MTOR: variants seen among roughly 807,000 people sequenced by gnomAD.
The protein encoded by MTOR is mechanistic target of rapamycin kinase, also known as serine/threonine-protein kinase mTOR.
A neutral mutation model predicts 319.8 loss-of-function variants in MTOR; 70 were observed. The observed-to-expected ratio is 0.22, with a 90% CI of 0.18 to 0.27. The LOEUF (loss-of-function observed/expected upper bound fraction) is 0.27, where lower values mean the gene tolerates loss of function less well. Among genes scored for constraint, MTOR ranks in the 10% least tolerant of loss-of-function variants. The pLI is 1.00. For synonymous variants in MTOR, 1,183 were observed against 1,211.4 expected (o/e 0.98, Z 0.49); for missense variants, 1,890 against 3,274.4 (o/e 0.58, Z 10.32).
At chr1:11,159,364 G>A (rs546182026) in intron 29 of MTOR, among the ~76,000 whole-genome samples, 3 of 152,274 alleles carry the variant, frequency 2.0e-5, no homozygotes, top group South Asian at 4.2e-4. Context: ...TGCTAAGGCC[G>A]GGCATGGTGA....
intron 28 of MTOR, among the ~76,000 whole-genome samples, chr1:11,170,691 T>C (rs1024907611): frequency 1.7e-4 from 26 of 151,478 alleles, no homozygotes; most frequent in Non-Finnish European, 2.8e-4. Flanking sequence ...TTTTTTTTTT[T>C]TCTTTTTTTT....
intron 1 of MTOR, among the ~76,000 whole-genome samples, chr1:11,261,641 A>G (rs1270498523): frequency 3.3e-5 from 5 of 152,080 alleles, no homozygotes; most frequent in Admixed American, 2.0e-4. Flanking sequence ...GGCACAGAGG[A>G]AAAACCTGGG....
Position 11,109,208 on chromosome 1 carries a change from G to C in MTOR, c.7528+82C>G. The C allele has an allele frequency of 7.8e-7, 1 of 1,277,964 alleles. No homozygotes were observed. Among genetic ancestry groups the C allele is most frequent in the South Asian group, 1.3e-5 (1 of 76,130 alleles). 79.2% of individuals were successfully genotyped at this position (1,277,964 alleles called of 1,614,324 possible). A position where few individuals can be genotyped will look rare whatever the true frequency, so the allele number is the denominator to read the frequency against. On this transcript the variant is annotated intron_variant, in intron 56 of 57. Coordinates refer to ENST00000361445, the MANE Select transcript of MTOR (RefSeq NM_004958.4). This position sits in a 1 kb window ranked among gnomAD's most constrained non-coding sequence, Gnocchi z 4.0. ...GCCAAAGCTCGTCACTAACACCACT[G>C]GACATGGGGCTGACCACCACTCAGA...
intron 15 of MTOR, 54 bp downstream of exon 15, chr1:11,233,337 CTTAGAGG>C (rs1009159612): frequency 3.7e-5 from 55 of 1,476,460 alleles, no homozygotes; most frequent in Non-Finnish European, 5.0e-5. Context: ...TTTTGACTTC[CTTAGAGG>C]TTAGTTTCTT....
intron 25 of MTOR, among the ~76,000 whole-genome samples, chr1:11,205,571 C>A (rs1646110864): frequency 6.6e-6 from 1 of 152,174 alleles, no homozygotes; most frequent in African/African-American, 2.4e-5. Context: ...GAAACACCTG[C>A]CTGGGATCCT....
rs566054392 is a variant in MTOR, at chr1:11,212,286, CCT to C, written c.3561+24_3561+25del. ...TCTTTCCAAATAAGGCAGAAGAGCACCTGTCTGTCCAGACTCCCATCTTACCT... is the reference window on the plus strand; with the variant it reads ...TCTTTCCAAATAAGGCAGAAGAGCACGTCTGTCCAGACTCCCATCTTACCT... On this transcript the variant is annotated intron_variant, in intron 23 of 57. Transcript: ENST00000361445. The surrounding 1 kb of genome is among the most constrained non-coding windows in gnomAD (Gnocchi z 4.1). 4.2e-5 allele frequency: 67 copies of C among 1,596,996 alleles called. No homozygotes were observed. Among genetic ancestry groups the C allele is most frequent in the Non-Finnish European group, 5.5e-5 (64 of 1,171,282 alleles).
chr1:11,239,412 T>C (rs1647674132), intron 11 of MTOR, among the ~76,000 whole-genome samples: 1 of 152,184 alleles, frequency 6.6e-6, no homozygotes, highest in East Asian at 1.9e-4. Context: ...GGAACTGCAA[T>C]AGAGAAACCA....
At chr1:11,215,874 G>A (rs1194784802) in intron 20 of MTOR, among the ~76,000 whole-genome samples, 2 of 152,200 alleles carry the variant, frequency 1.3e-5, no homozygotes, top group African/African-American at 2.4e-5. Flanking sequence ...TTGCTTTGTT[G>A]TGTGTGAGGC....
chr1:11,243,411 GC>G, intron 8 of MTOR, 111 bp from the exon 9 acceptor site: 1 of 1,033,460 alleles, frequency 9.7e-7, no homozygotes, highest in Non-Finnish European at 1.4e-6. Context: ...TAAGAAAGTG[GC>G]CAGGCACAGT....
chr1:11,258,490 G>T lies in MTOR; in HGVS notation c.266C>A (p.Ala89Asp). 6.2e-7 allele frequency: 1 copy of T among 1,612,024 alleles called. No individual in the cohort carries two copies. Among genetic ancestry groups the T allele is most frequent in the Non-Finnish European group, 8.5e-7 (1 of 1,178,336 alleles). Residue 89 changes from alanine (A) to aspartate (D), a missense_variant, in exon 3 of 58, where the codon GCC becomes GAC. Physicochemically the swap from Ala to Asp is moderately radical, Grantham distance 126. This residue lies in a region of MTOR where 81 missense variants were observed against 203.6 expected (regional missense o/e 0.40). Transcript: ENST00000361445. ...ACCAGAGACTCTGTCCTTACCTATG[G>T]CCAAGATGCCACCTTTCCTCTCATT... ...DANERKGGIL[A>D]IASLIGVEGG...
intron 28 of MTOR, among the ~76,000 whole-genome samples, chr1:11,186,975 C>T (rs925144425): frequency 9.2e-5 from 14 of 152,208 alleles, no homozygotes; most frequent in African/African-American, 2.9e-4. Flanking sequence ...AGACCAGACA[C>T]TCATGCTAAA....
intron 30 of MTOR, among the ~76,000 whole-genome samples, chr1:11,156,491 T>C (rs1644322512): frequency 6.6e-6 from 1 of 152,062 alleles, no homozygotes; most frequent in African/African-American, 2.4e-5. Context: ...GCACCTGGAG[T>C]ACCTGTTTCC....
At chr1:11,249,008 G>A (rs1249171241) in intron 6 of MTOR, among the ~76,000 whole-genome samples, 1 of 152,148 alleles carries the variant, frequency 6.6e-6, no homozygotes. Flanking sequence ...GGCAGATCAT[G>A]AGGTCAGGAG....
At position 11,124,535 on chromosome 1, in the gene MTOR, G is replaced by A. The variant is rs774204282; in HGVS notation, c.6625C>T (p.Leu2209=). ...MQLFGLVNTL[L]ANDPTSLRKN... is the part of the protein sequence containing the mutation. The stretch of plus-strand genomic sequence containing the variant: ...CGAAGAGATGTTGGGTCATTGGCCA[G>A]AAGGGTGTTAACCAGGCCGAAGAGC... Residue 2209 remains leucine (L), a synonymous_variant, in exon 47 of 58, where the codon CTG becomes TTG. Transcript: ENST00000361445. The A allele has an allele frequency of 5.1e-5, 82 of 1,611,268 alleles. No individual in the cohort carries two copies. The highest frequency in any genetic ancestry group is 6.7e-5 in the Non-Finnish European group (79 of 1,177,564).
chr1:11,235,321 A>G (rs1000874838), intron 13 of MTOR, among the ~76,000 whole-genome samples: 2 of 152,162 alleles, frequency 1.3e-5, no homozygotes, highest in African/African-American at 4.8e-5. Flanking sequence ...CCAAGACCGC[A>G]AGAAAGGCCA....
intron 28 of MTOR, among the ~76,000 whole-genome samples, chr1:11,174,546 GTC>G (rs1273851739): frequency 1.3e-5 from 2 of 152,216 alleles, no homozygotes; most frequent in African/African-American, 4.8e-5. Flanking sequence ...GGACAAGCAA[GTC>G]TCTGTGAAAA....
chr1:11,216,209 A>G lies in MTOR; in HGVS notation c.3056T>C (p.Leu1019Ser). 1 of 1,614,120 alleles carries G rather than the reference A, an allele frequency of 6.2e-7. No individual in the cohort carries two copies. Among genetic ancestry groups the G allele is most frequent in the East Asian group, 2.2e-5 (1 of 44,882 alleles). Residue 1019 changes from leucine (L) to serine (S), a missense_variant, in exon 20 of 58, where the codon TTG (leucine) becomes TCG (serine). Leu to Ser is a moderately radical substitution (Grantham distance 145). Around this residue, in one of 15 missense-constraint regions of MTOR, gnomAD observed 377 missense variants for 653.9 expected, o/e 0.58. Coordinates refer to ENST00000361445, the MANE Select transcript of MTOR (RefSeq NM_004958.4). The stretch of plus-strand genomic sequence containing the variant: ...GATGTGGCTCTTCACAAAGGACACC[A>G]ACATTCCCAGCTGCTGGAACAAAAA... ...REFLFQQLGMLVSFVKSHIRP... is the reference protein window; with the variant it reads ...REFLFQQLGMSVSFVKSHIRP...
Position 11,128,814 on chromosome 1 carries a change from G to C in MTOR, c.5811+41C>G, listed in dbSNP as rs368147763. ...CTTGTAAGAGGAGACACACAGAAGAGAGACTTGGAGCCACCTTCACCTGTA... is the reference window on the plus strand; with the variant it reads ...CTTGTAAGAGGAGACACACAGAAGACAGACTTGGAGCCACCTTCACCTGTA... On this transcript the variant is annotated intron_variant, in intron 41 of 57. Transcript: ENST00000361445. The surrounding 1 kb of genome is among the most constrained non-coding windows in gnomAD (Gnocchi z 5.3). The C allele has an allele frequency of 1.4e-5, 21 of 1,521,018 alleles. No individual in the cohort carries two copies. Among genetic ancestry groups the C allele is most frequent in the African/African-American group, 4.1e-5 (3 of 73,090 alleles). The allele number at this position is 1,521,018 out of a possible 1,614,324, so 94.2% of individuals were successfully genotyped here. A position where few individuals can be genotyped will look rare whatever the true frequency, so the allele number is the denominator to read the frequency against.
rs148356947 is a variant in MTOR, at chr1:11,180,294, A to G, written c.4254-12777T>C. ...AGGTACAGAAAAAGAAAAGGACCGC[A>G]TATCTTTTCTGGAAGCCAGGAAACA... On this transcript the variant is annotated intron_variant, in intron 28 of 57. Transcript: ENST00000361445. Among the ~76,000 whole-genome samples, 208 of 152,324 alleles carry G rather than the reference A, an allele frequency of 1.4e-3. 1 individual carries two copies. Among genetic ancestry groups the G allele is most frequent in the African/African-American group, 4.7e-3 (197 of 41,570 alleles).
Sources: gnomAD v4.1 joint callset for allele counts (sites outside exome capture counted in the v4.1 genomes callset) on GRCh38, gnomAD v4.1.1 for gene constraint, gnomAD v4.1.1 regional missense constraint, Gnocchi (gnomAD v3.1) non-coding constraint, MANE v1.5 for transcripts, NCBI Gene and HGNC (gene_info 2026-07-23, HGNC 2026-07-21) for gene names.